MICU1: variants seen among roughly 807,000 people sequenced by gnomAD.
MICU1 encodes mitochondrial calcium uptake 1.
MICU1 carries 45 observed loss-of-function variants against 56.8 expected under a neutral mutation model. The observed-to-expected ratio is 0.79, with a 90% CI of 0.62 to 1.02. The LOEUF (loss-of-function observed/expected upper bound fraction) is 1.02. Ranked by LOEUF, MICU1 falls within the 50% of genes least tolerant of loss-of-function variation. MICU1 has a pLI of 0.00. For synonymous variants in MICU1, 186 were observed against 195.1 expected (o/e 0.95, Z 0.39); for missense variants, 504 against 587.1 (o/e 0.86, Z 1.46).
chr10:72,433,063 G>A lies in MICU1; in HGVS notation c.934-9692C>T, dbSNP rs367874908. Among the ~76,000 whole-genome samples the A allele has an allele frequency of 7.9e-5, 12 of 152,028 alleles. No individual in the cohort carries two copies. In the East Asian group the frequency reaches 9.7e-4, roughly 12 times the overall value. ...AGTGATTCTCCTGCCTCAGCCTCCCGAGTAGCTGGGATTACAGGTCTGCAC... is the reference window on the plus strand; with the variant it reads ...AGTGATTCTCCTGCCTCAGCCTCCCAAGTAGCTGGGATTACAGGTCTGCAC... On this transcript the variant is annotated intron_variant, in intron 8 of 11. Coordinates refer to ENST00000361114, the MANE Select transcript of MICU1 (RefSeq NM_001195518.2).
intron 10 of MICU1, among the ~76,000 whole-genome samples, chr10:72,404,162 G>A (rs1475440792): frequency 1.3e-5 from 2 of 151,602 alleles, no homozygotes; most frequent in Admixed American, 6.6e-5. Context: ...ACTAGTTTTT[G>A]TATTTTTAGT....
chr10:72,563,818 G>T (rs185887213), intron 2 of MICU1, among the ~76,000 whole-genome samples: 4 of 152,194 alleles, frequency 2.6e-5, no homozygotes, highest in Admixed American at 6.5e-5. Flanking sequence ...GCGCCTCCTT[G>T]TTCTTCATCT....
At chr10:72,578,769 G>A (rs964679579) in intron 1 of MICU1, among the ~76,000 whole-genome samples, 70 of 151,470 alleles carry the variant, frequency 4.6e-4, no homozygotes, top group Non-Finnish European at 8.8e-5. Flanking sequence ...CACCACACCC[G>A]GCTAATTTTT....
chr10:72,472,678 C>T (rs1315979914), intron 8 of MICU1, among the ~76,000 whole-genome samples: 2 of 152,118 alleles, frequency 1.3e-5, no homozygotes, highest in African/African-American at 4.8e-5. Context: ...TTTTAGTATA[C>T]AGTAAGTCTT....
At chr10:72,495,397 T>G (rs1395379282) in intron 6 of MICU1, among the ~76,000 whole-genome samples, 8 of 152,190 alleles carry the variant, frequency 5.3e-5, no homozygotes, top group African/African-American at 1.9e-4. Context: ...GGCTCACGCC[T>G]GTAATCCCAG....
chr10:72,468,386 C>T (rs140117111), intron 8 of MICU1, among the ~76,000 whole-genome samples: 42 of 150,098 alleles, frequency 2.8e-4, no homozygotes, highest in Admixed American at 9.4e-4. Flanking sequence ...TTTTCTAATA[C>T]CTTTCAGTTT....
At chr10:72,447,291 T>C (rs1298379743) in intron 8 of MICU1, among the ~76,000 whole-genome samples, 4 of 152,166 alleles carry the variant, frequency 2.6e-5, no homozygotes, top group South Asian at 2.1e-4. Context: ...ACCTTTGAAG[T>C]AGGCATAATA....
intron 9 of MICU1, among the ~76,000 whole-genome samples, chr10:72,413,687 T>C (rs1006678373): frequency 1.3e-5 from 2 of 152,014 alleles, no homozygotes; most frequent in African/African-American, 2.4e-5. Context: ...TGAGCTGAGA[T>C]TGTGCCACTG....
rs568166346 is a variant in MICU1, at chr10:72,516,332, T to G, written c.538-8063A>C. 3.2e-4 allele frequency among the ~76,000 whole-genome samples: 48 copies of G among 152,332 alleles called. 1 individual carries two copies. The highest frequency in any genetic ancestry group is 6.0e-4 in the Non-Finnish European group (41 of 68,032). On this transcript the variant is annotated intron_variant, in intron 5 of 11. Transcript: ENST00000361114. ...TAAGTTCCTTGTAAATTCTGGATGT[T>G]AGCCCTTTGTCAGATGGATACATTG...
Position 72,423,271 on chromosome 10 carries a change from A to T in MICU1, c.1034T>A (p.Met345Lys). The part of the protein sequence containing the change: ...SGVQSKKLTA[M>K]QRQLKKHFKE... ...GAAGTGCTTCTTGAGCTGCCTCTGCATGGCGGTCAGCTTCTTGGACTGCAC... is the reference window on the plus strand; with the variant it reads ...GAAGTGCTTCTTGAGCTGCCTCTGCTTGGCGGTCAGCTTCTTGGACTGCAC... Residue 345 changes from methionine to lysine, a missense_variant, in exon 9 of 12, where the codon ATG (methionine) becomes AAG (lysine). Coordinates refer to ENST00000361114, the MANE Select transcript of MICU1 (RefSeq NM_001195518.2). 2 of 1,613,928 alleles carry T rather than the reference A, an allele frequency of 1.2e-6. No homozygotes were observed. Among genetic ancestry groups the T allele is most frequent in the Non-Finnish European group, 1.7e-6 (2 of 1,179,866 alleles).
At chr10:72,503,685 G>A (rs1867150437) in intron 6 of MICU1, among the ~76,000 whole-genome samples, 2 of 152,092 alleles carry the variant, frequency 1.3e-5, no homozygotes, top group African/African-American at 4.8e-5. Flanking sequence ...TCTCTTCACT[G>A]ACAATATGAT....
At chr10:72,427,733 AATATATATAT>A (rs58696519) in intron 8 of MICU1, among the ~76,000 whole-genome samples, 71 of 136,290 alleles carry the variant, frequency 5.2e-4, no homozygotes, top group African/African-American at 1.7e-3. Context: ...CCATCTCTAA[AATATATATAT>A]ATATATATAT....
chr10:72,501,968 C>A (rs943625705), intron 6 of MICU1, among the ~76,000 whole-genome samples: 4 of 151,964 alleles, frequency 2.6e-5, no homozygotes, highest in Admixed American at 2.0e-4. Flanking sequence ...ATTTTTAAGT[C>A]AAGAAAAAAA....
intron 5 of MICU1, 39 bp downstream of exon 5, chr10:72,533,707 T>C (rs771284934): frequency 6.9e-7 from 1 of 1,447,970 alleles, no homozygotes; most frequent in Admixed American, 2.1e-5. Context: ...TCTTAGTAAA[T>C]GATAGGATAT....
At chr10:72,409,745 A>AT (rs1447719825) in intron 9 of MICU1, among the ~76,000 whole-genome samples, 8 of 152,242 alleles carry the variant, frequency 5.3e-5, no homozygotes, top group Non-Finnish European at 7.4e-5. Context: ...ATCTTTTATA[A>AT]TTTTTTTCCT....
intron 8 of MICU1, among the ~76,000 whole-genome samples, chr10:72,464,561 G>A (rs2065813): frequency 0.58 from 87,458 of 151,796 alleles, 26,033 homozygotes; most frequent in Non-Finnish European, 0.67. Context: ...GGTTTGTAGC[G>A]TAGAAGCAAT....
At chr10:72,616,168 T>C (rs530629200) in intron 1 of MICU1, among the ~76,000 whole-genome samples, 5 of 152,336 alleles carry the variant, frequency 3.3e-5, no homozygotes, top group African/African-American at 1.2e-4. Flanking sequence ...GTTTTCCTAC[T>C]TCTTTGCATG....
intron 5 of MICU1, among the ~76,000 whole-genome samples, chr10:72,523,343 G>T (rs1207708663): frequency 6.6e-6 from 1 of 152,144 alleles, no homozygotes; most frequent in Non-Finnish European, 1.5e-5. Flanking sequence ...TTCTAAAATA[G>T]AATTCCCAGG....
chr10:72,454,291 C>A (rs985298483), intron 8 of MICU1, among the ~76,000 whole-genome samples: 4 of 148,108 alleles, frequency 2.7e-5, no homozygotes, highest in South Asian at 2.2e-4. Flanking sequence ...CCCATCTCTA[C>A]TAAAAATACA....
Sources: gnomAD v4.1 joint callset for allele counts (sites outside exome capture counted in the v4.1 genomes callset) on GRCh38, gnomAD v4.1.1 for gene constraint, MANE v1.5 for transcripts, NCBI Gene and HGNC (gene_info 2026-07-23, HGNC 2026-07-21) for gene names.